Variants in PDCD11 observed in about 807,000 individuals in gnomAD.
PDCD11 encodes the protein programmed cell death 11, also known as protein RRP5 homolog.
A neutral mutation model predicts 198.9 loss-of-function variants in PDCD11; 97 were observed. The ratio of observed to expected loss-of-function variants is 0.49; its 90% CI spans 0.41 to 0.58. PDCD11 has a LOEUF of 0.58. PDCD11 is among the 20% of genes least tolerant of loss of function. The pLI is 0.00. For missense variants in PDCD11, 2,102 were observed against 2,312.7 expected (o/e 0.91, Z 1.87); for synonymous variants, 893 against 918.0 (o/e 0.97, Z 0.49).
Position 103,403,281 on chromosome 10 carries a change from T to C in PDCD11, c.398T>C (p.Leu133Pro). 6.2e-7 allele frequency: 1 copy of C among 1,612,606 alleles called. No individual in the cohort carries two copies. The highest frequency in any genetic ancestry group is 8.5e-7 in the Non-Finnish European group (1 of 1,179,350). ...GAGCAGGTGACACAAGAACAACCTC[T>C]GAAGGTAAGGGAAATCCGAATGAAG... ...LNEQVTQEQP[L>P]KDLLHLPELF... Residue 133 changes from leucine (L) to proline (P), a missense_variant, in exon 4 of 36, where the codon CTG becomes CCG. Physicochemically the swap from Leu to Pro is moderately conservative, Grantham distance 98. Coordinates refer to ENST00000369797, the MANE Select transcript of PDCD11 (RefSeq NM_014976.2).
At chr10:103,411,509 A>T (rs748643316) in intron 8 of PDCD11, among the ~76,000 whole-genome samples, 1 of 151,892 alleles carries the variant, frequency 6.6e-6, no homozygotes, top group Admixed American at 6.6e-5. Flanking sequence ...GGGACTACGG[A>T]TGCATGCCAC....
At chr10:103,432,361 G>T in intron 22 of PDCD11, 127 bp downstream of exon 22, 1 of 682,006 alleles carries the variant, frequency 1.5e-6, no homozygotes, top group Non-Finnish European at 2.6e-6. Flanking sequence ...GGGTTTGTGG[G>T]AGACAGTACG....
chr10:103,416,542 A>G lies in PDCD11; in HGVS notation c.1570A>G (p.Thr524Ala), dbSNP rs757822407. The change falls in exon 13 of 36, where the codon ACC becomes GCC. Residue 524 changes from threonine (T) to alanine (A), a missense_variant. Coordinates refer to ENST00000369797, the MANE Select transcript of PDCD11 (RefSeq NM_014976.2). The stretch of plus-strand genomic sequence containing the variant: ...GAAGCTGATGATGACCCTGAAAAAA[A>G]CCCTGATTGAGTCCAAACTACCTGT... Reference protein sequence around the residue: ...AKKLMMTLKKTLIESKLPVIT... With the variant: ...AKKLMMTLKKALIESKLPVIT... The G allele has an allele frequency of 6.8e-6, 11 of 1,614,160 alleles. No individual in the cohort carries two copies. Among genetic ancestry groups the G allele is most frequent in the South Asian group, 1.1e-5 (1 of 91,072 alleles).
rs1186207833 is a variant in PDCD11 at position 103,434,672 on chromosome 10, G to T, written c.3668-126G>T. On this transcript the variant is annotated intron_variant, in intron 24 of 35. Coordinates refer to ENST00000369797, the MANE Select transcript of PDCD11 (RefSeq NM_014976.2). ...GGTGATCTCAGTCTAGATGGTTCTG[G>T]ATCACTCAGCCCAGATACCCCAAGT... is the stretch of plus-strand genomic sequence containing the variant. The T allele has an allele frequency of 7.0e-6, 5 of 714,306 alleles. No individual in the cohort carries two copies. The Admixed American group carries it at 1.5e-4, about 21-fold the overall frequency. The allele number at this position is 714,306 out of a possible 1,614,324, so 44.2% of individuals were successfully genotyped here. A position where few individuals can be genotyped will look rare whatever the true frequency, so the allele number is the denominator to read the frequency against.
Position 103,423,553 on chromosome 10 carries a change from G to C in PDCD11, c.2658G>C (p.Val886=). ...ASRYHRAGQE[V]ESGQKKKVVI... ...GGTTCTGCACTGCAGGGCAGGAGGT[G>C]GAATCTGGGCAGAAAAAGAAGGTTG... is the stretch of plus-strand genomic sequence containing the variant. Residue 886 remains valine, a synonymous_variant, in exon 19 of 36, where the codon GTG becomes GTC. Coordinates refer to ENST00000369797, the MANE Select transcript of PDCD11 (RefSeq NM_014976.2). 1 of 1,612,858 alleles carries C rather than the reference G, an allele frequency of 6.2e-7. No individual in the cohort carries two copies. The highest frequency in any genetic ancestry group is 8.5e-7 in the Non-Finnish European group (1 of 1,178,882).
Position 103,439,726 on chromosome 10 carries a change from T to C in PDCD11, c.4026-20T>C. ...GTTGTTGCATTTGTGACCACAGGAC[T>C]CTTGCCTCTCTCCTTTCAGCCTTGG... On this transcript the variant is annotated intron_variant, in intron 27 of 35. Transcript: ENST00000369797. 6.2e-7 allele frequency: 1 copy of C among 1,614,176 alleles called. No homozygotes were observed. Among genetic ancestry groups the C allele is most frequent in the Non-Finnish European group, 8.5e-7 (1 of 1,180,024 alleles).
Position 103,445,602 on chromosome 10 carries a change from C to T in PDCD11, c.*53C>T. On this transcript the variant is annotated 3_prime_UTR_variant, in exon 36 of 36. Transcript: ENST00000369797. ...CAACAATGGGCCAGCCCGGCCCCGC[C>T]TCGAGTGCCTGGGCACTCGGAAAAC... 1 of 1,524,120 alleles carries T rather than the reference C, an allele frequency of 6.6e-7. No individual in the cohort carries two copies. Among genetic ancestry groups the T allele is most frequent in the Admixed American group, 1.8e-5 (1 of 54,810 alleles). 94.4% of individuals were successfully genotyped at this position (1,524,120 alleles called of 1,614,324 possible). A position where few individuals can be genotyped will look rare whatever the true frequency, so the allele number is the denominator to read the frequency against.
intron 7 of PDCD11, among the ~76,000 whole-genome samples, chr10:103,407,156 T>C (rs2030506776): frequency 6.6e-6 from 1 of 152,240 alleles, no homozygotes; most frequent in South Asian, 2.1e-4. Context: ...TTTAACTCTT[T>C]TAGCTTATCT....
chr10:103,425,440 G>C lies in PDCD11; in HGVS notation c.3220G>C (p.Glu1074Gln). The change falls in exon 20 of 36, where the codon GAG becomes CAG. Residue 1074 changes from glutamate to glutamine, a missense_variant. Glu to Gln is a conservative substitution (Grantham distance 29). Coordinates refer to ENST00000369797, the MANE Select transcript of PDCD11 (RefSeq NM_014976.2). The stretch of plus-strand genomic sequence containing the variant: ...CTCCCACATTCTAGATGATGTTCCA[G>C]AGGGCACCTCTCCTACTACCAAGCT... The part of the protein sequence containing the change: ...HASHILDDVP[E>Q]GTSPTTKLKV... 1 of 1,614,056 alleles carries C rather than the reference G, an allele frequency of 6.2e-7. No homozygotes were observed. The highest frequency in any genetic ancestry group is 8.5e-7 in the Non-Finnish European group (1 of 1,180,032).
intron 7 of PDCD11, 38 bp from the exon 8 acceptor site, chr10:103,409,661 A>AAG: frequency 1.3e-6 from 2 of 1,498,474 alleles, no homozygotes; most frequent in Middle Eastern, 1.7e-4. Flanking sequence ...GGTTCTTTCA[A>AAG]AGAACTTTTT....
rs2032252177 is a variant in PDCD11, at chr10:103,438,672, T to C, written c.3903-14T>C. 1.9e-6 allele frequency: 3 copies of C among 1,613,988 alleles called. No homozygotes were observed. Among genetic ancestry groups the C allele is most frequent in the Non-Finnish European group, 2.5e-6 (3 of 1,179,888 alleles). The stretch of plus-strand genomic sequence containing the variant: ...GAGGTTAAAGGTGTGCATGTAAGCC[T>C]TTTATTCCTTTAGAACAAACCCGGA... On this transcript the variant is annotated splice_polypyrimidine_tract_variant and intron_variant, in intron 26 of 35. Coordinates refer to ENST00000369797, the MANE Select transcript of PDCD11 (RefSeq NM_014976.2).
chr10:103,404,327 C>T (rs1397294189), intron 4 of PDCD11, among the ~76,000 whole-genome samples: 1 of 151,684 alleles, frequency 6.6e-6, no homozygotes, highest in Non-Finnish European at 1.5e-5. Context: ...GAGATGGAGT[C>T]TCACTCTTTA....
rs1197881821 is a variant in PDCD11, at chr10:103,443,802, G to C, written c.5125-113G>C. 2.4e-5 allele frequency: 26 copies of C among 1,061,620 alleles called. No homozygotes were observed. In the East Asian group the frequency reaches 6.2e-4, roughly 25 times the overall value. 65.8% of individuals were successfully genotyped at this position (1,061,620 alleles called of 1,614,324 possible). A position where few individuals can be genotyped will look rare whatever the true frequency, so the allele number is the denominator to read the frequency against. On this transcript the variant is annotated intron_variant, in intron 33 of 35. Coordinates refer to ENST00000369797, the MANE Select transcript of PDCD11 (RefSeq NM_014976.2). The stretch of plus-strand genomic sequence containing the variant: ...AGGTCTCTAGCATTAGGCCCTGAGA[G>C]TGATTTGGTGTCTGGGAGCCCAGGT...
At position 103,445,375 on chromosome 10, in the gene PDCD11, C is replaced by G; in HGVS notation, c.5445-3C>G. On this transcript the variant is annotated splice_polypyrimidine_tract_variant and splice_region_variant and intron_variant, in intron 35 of 35. Coordinates refer to ENST00000369797, the MANE Select transcript of PDCD11 (RefSeq NM_014976.2). ...CAAATGCCACTCTGCTTTTCCTCAA[C>G]AGGGACATCTTTGAGCGGGTCATTC... The G allele has an allele frequency of 6.2e-7, 1 of 1,614,156 alleles. No individual in the cohort carries two copies. The highest frequency in any genetic ancestry group is 8.5e-7 in the Non-Finnish European group (1 of 1,180,004).
Position 103,412,961 on chromosome 10 carries a change from G to T in PDCD11, c.979-155G>T, listed in dbSNP as rs184099532. ...GGACATTTTGATTTTTCTGCATTCT[G>T]CTTGAGTGTGGAAGCCAGTTTGAGT... On this transcript the variant is annotated intron_variant, in intron 8 of 35. Coordinates refer to ENST00000369797, the MANE Select transcript of PDCD11 (RefSeq NM_014976.2). Among the ~76,000 whole-genome samples the T allele has an allele frequency of 7.3e-4, 111 of 152,252 alleles. 1 individual carries two copies. Among genetic ancestry groups the T allele is most frequent in the Non-Finnish European group, 4.7e-4 (32 of 68,014 alleles).
At chr10:103,418,760 T>C in intron 15 of PDCD11, 126 bp downstream of exon 15, 1 of 758,434 alleles carries the variant, frequency 1.3e-6, no homozygotes, top group Non-Finnish European at 2.1e-6. Flanking sequence ...AAACCAGTGA[T>C]GAAGCCTGTG....
chr10:103,400,420 C>T lies in PDCD11; in HGVS notation c.126C>T (p.Thr42=). ...LFDISTEEGS[T]KRKKSQKGPA... is the part of the protein sequence containing the mutation. Reference sequence around the variant, plus strand: ...AGATTTCTACTGAAGAGGGATCCACCAAAAGAAAAAAGAGCCAGAAGGGGC... The same window carrying T: ...AGATTTCTACTGAAGAGGGATCCACTAAAAGAAAAAAGAGCCAGAAGGGGC... Residue 42 remains threonine (T), a synonymous_variant, in exon 3 of 36, where the codon ACC becomes ACT. Transcript: ENST00000369797. 1 of 1,611,002 alleles carries T rather than the reference C, an allele frequency of 6.2e-7. No homozygotes were observed. The highest frequency in any genetic ancestry group is 8.5e-7 in the Non-Finnish European group (1 of 1,179,082).
At position 103,439,781 on chromosome 10, in the gene PDCD11, C is replaced by A; in HGVS notation, c.4061C>A (p.Ser1354Tyr). The change falls in exon 28 of 36, where the codon TCC (serine) becomes TAC (tyrosine). Residue 1354 changes from serine (S) to tyrosine (Y), a missense_variant. Physicochemically the swap from Ser to Tyr is moderately radical, Grantham distance 144. Coordinates refer to ENST00000369797, the MANE Select transcript of PDCD11 (RefSeq NM_014976.2). ...TCCGTTGTGGGTTTGGCTCGGTACT[C>A]CCATGTCTCCCAGCACAGCCCGTCC... is the stretch of plus-strand genomic sequence containing the variant. ...GPSVVGLARY[S>Y]HVSQHSPSKK... 6.2e-7 allele frequency: 1 copy of A among 1,614,148 alleles called. No homozygotes were observed. Among genetic ancestry groups the A allele is most frequent in the Non-Finnish European group, 8.5e-7 (1 of 1,180,006 alleles).
At chr10:103,409,870 C>T in intron 8 of PDCD11, 64 bp downstream of exon 8, 1 of 1,156,858 alleles carries the variant, frequency 8.6e-7, no homozygotes, top group Non-Finnish European at 1.3e-6. Flanking sequence ...TCCAGTATCA[C>T]AGCTAGCTAC....
Sources: gnomAD v4.1 joint callset for allele counts (sites outside exome capture counted in the v4.1 genomes callset) on GRCh38, gnomAD v4.1.1 for gene constraint, MANE v1.5 for transcripts, NCBI Gene and HGNC (gene_info 2026-07-23, HGNC 2026-07-21) for gene names.